Variants in CKMT1A observed in about 807,000 individuals in gnomAD.
The protein encoded by CKMT1A is creatine kinase U-type, mitochondrial.
CKMT1A carries 23 observed loss-of-function variants against 21.8 expected under a neutral mutation model. That is an observed-to-expected ratio of 1.05 (90% CI 0.76 to 1.49). CKMT1A has a LOEUF of 1.49. Ranked by LOEUF, CKMT1A falls within the 40% of genes most tolerant of loss-of-function variation. The probability of loss-of-function intolerance (pLI) is 0.00; values close to 1 mark genes in which losing one functional copy is unlikely to be tolerated. For missense variants in CKMT1A, 154 were observed against 229.4 expected (o/e 0.67, Z 2.12); for synonymous variants, 67 against 80.4 (o/e 0.83, Z 0.89).
chr15:43,697,741 G>A, intron 6 of CKMT1A: 1 of 984,636 alleles, frequency 1.0e-6, no homozygotes, highest in Non-Finnish European at 1.2e-6. Flanking sequence ...CATTTCCCTA[G>A]ATCATCCTTA....
intron 6 of CKMT1A, chr15:43,697,414 G>C (rs1246951524): frequency 1.0e-6 from 1 of 984,880 alleles, no homozygotes; most frequent in Non-Finnish European, 1.2e-6. Flanking sequence ...CACTCTGCTA[G>C]ATCCCTTGTC....
intron 6 of CKMT1A, 142 bp from the exon 7 acceptor site, chr15:43,697,872 A>G (rs1197173676): frequency 8.1e-6 from 12 of 1,483,870 alleles, no homozygotes; most frequent in South Asian, 1.5e-5. Context: ...TTTTTCATTT[A>G]AAAAAAGACC....
In CKMT1A at chr15:43,699,178, G is replaced by C; in HGVS notation, c.*89G>C. 1 of 1,601,682 alleles carries C rather than the reference G, an allele frequency of 6.2e-7. No homozygotes were observed. Among genetic ancestry groups the C allele is most frequent in the Non-Finnish European group, 8.5e-7 (1 of 1,172,062 alleles). On this transcript the variant is annotated 3_prime_UTR_variant, in exon 9 of 9. Transcript: ENST00000413453. ...TTCTACTTGCTCTGGACCTGCCCTCGCATCCCCTGCCTCCATCCTAGTAAA... is the reference window on the plus strand; with the variant it reads ...TTCTACTTGCTCTGGACCTGCCCTCCCATCCCCTGCCTCCATCCTAGTAAA...
chr15:43,696,642 A>G (rs1322153779), intron 6 of CKMT1A: 1 of 529,192 alleles, frequency 1.9e-6, no homozygotes, highest in Non-Finnish European at 3.4e-6. Context: ...ATGGCACGTC[A>G]GTGCCTGGGA....
chr15:43,696,952 C>T (rs1009917968), intron 6 of CKMT1A: 1 of 298,058 alleles, frequency 3.4e-6, no homozygotes, highest in Middle Eastern at 1.3e-3. Context: ...TCTCCGTATT[C>T]AAGTCTACAT....
chr15:43,697,219 A>T (rs949611407), intron 6 of CKMT1A: 19 of 1,230,694 alleles, frequency 1.5e-5, no homozygotes, highest in Non-Finnish European at 1.9e-5. Flanking sequence ...ATTAAGTGAA[A>T]TACAGGTAAA....
intron 6 of CKMT1A, chr15:43,696,593 AG>A: frequency 1.5e-6 from 1 of 666,562 alleles, no homozygotes; most frequent in African/African-American, 1.8e-5. Flanking sequence ...AACCTTAGAA[AG>A]TGAAGAAGGC....
At position 43,696,358 on chromosome 15, in the gene CKMT1A, A is replaced by G; in HGVS notation, c.871A>G (p.Lys291Glu). ...RVFERFCRGL[K>E]EVERLIQERG... ...GTTTGAAAGATTCTGCCGAGGCCTCAAAGAGGTTAGAGAAGATTGTGTAGG... is the reference window on the plus strand; with the variant it reads ...GTTTGAAAGATTCTGCCGAGGCCTCGAAGAGGTTAGAGAAGATTGTGTAGG... Residue 291 changes from lysine to glutamate, a missense_variant, in exon 6 of 9, where the codon AAA becomes GAA. Coordinates refer to ENST00000413453, the MANE Select transcript of CKMT1A (RefSeq NM_001321926.2). The G allele has an allele frequency of 1.9e-6, 3 of 1,610,894 alleles. No homozygotes were observed. Among genetic ancestry groups the G allele is most frequent in the Non-Finnish European group, 2.5e-6 (3 of 1,179,098 alleles).
chr15:43,697,590 T>C, intron 6 of CKMT1A: 1 of 984,306 alleles, frequency 1.0e-6, no homozygotes. Flanking sequence ...TCTCACCTCT[T>C]CCTGGCAAAG....
Position 43,698,146 on chromosome 15 carries a change from A to G in CKMT1A, c.1009A>G (p.Lys337Glu). Residue 337 changes from lysine (K) to glutamate (E), a missense_variant and splice_region_variant, in exon 7 of 9, where the codon AAA becomes GAA. Physicochemically the swap from Lys to Glu is moderately conservative, Grantham distance 56. Transcript: ENST00000413453. The part of the protein sequence containing the change: ...GVHIKLPLLS[K>E]DSRFPKILEN... Reference sequence around the variant, plus strand: ...GCACATCAAACTGCCCCTGCTAAGCAAAGTAAAGGAGTTGTGGGGTTACAG... The same window carrying G: ...GCACATCAAACTGCCCCTGCTAAGCGAAGTAAAGGAGTTGTGGGGTTACAG... 2 of 1,608,850 alleles carry G rather than the reference A, an allele frequency of 1.2e-6. No individual in the cohort carries two copies. Among genetic ancestry groups the G allele is most frequent in the East Asian group, 4.5e-5 (2 of 44,856 alleles).
intron 6 of CKMT1A, 49 bp downstream of exon 6, chr15:43,696,412 C>T (rs776299904): frequency 6.8e-6 from 11 of 1,609,468 alleles, no homozygotes; most frequent in East Asian, 2.2e-5. Flanking sequence ...ATAAGGAAAA[C>T]CAAAGAGTAG....
chr15:43,696,717 G>A (rs1047697469), intron 6 of CKMT1A: 6 of 284,742 alleles, frequency 2.1e-5, no homozygotes, highest in South Asian at 9.0e-5. Flanking sequence ...TGATGTTGGC[G>A]GGGAGAGGTT....
At chr15:43,697,339 A>T in intron 6 of CKMT1A, 1 of 1,256,440 alleles carries the variant, frequency 8.0e-7, no homozygotes, top group African/African-American at 1.5e-5. Flanking sequence ...CCCTGGTGGC[A>T]TGGTTCCTTC....
Position 43,698,723 on chromosome 15 carries a change from G to A in CKMT1A, c.1094G>A (p.Gly365Asp). 1 of 1,613,668 alleles carries A rather than the reference G, an allele frequency of 6.2e-7. No homozygotes were observed. Among genetic ancestry groups the A allele is most frequent in the Non-Finnish European group, 8.5e-7 (1 of 1,179,868 alleles). ...GGAGTGGACACTGCTGCCACAGGCG[G>A]TGTCTTTGATATTTCTAATTTGGAC... ...TGGVDTAATGGVFDISNLDRL... is the reference protein window; with the variant it reads ...TGGVDTAATGDVFDISNLDRL... The change falls in exon 8 of 9, where the codon GGT becomes GAT. Residue 365 changes from glycine (G) to aspartate (D), a missense_variant. Gly to Asp is a moderately conservative substitution (Grantham distance 94). Transcript: ENST00000413453.
At chr15:43,698,508 TAAAAAAAAAAAAAAAGA>T (rs1409066863) in intron 7 of CKMT1A, 116 bp from the exon 8 acceptor site, 3 of 861,602 alleles carry the variant, frequency 3.5e-6, no homozygotes, top group Non-Finnish European at 4.7e-6. Flanking sequence ...AGACCCTGTC[TAAAAAAAAAAAAAAAGA>T]AAAAAGGAAA....
chr15:43,699,076 A>T lies in CKMT1A; in HGVS notation c.1241A>T (p.His414Leu). The change falls in exon 9 of 9, where the codon CAC (histidine) becomes CTC (leucine). Residue 414 changes from histidine to leucine, a missense_variant. Physicochemically the swap from His to Leu is moderately conservative, Grantham distance 99. Coordinates refer to ENST00000413453, the MANE Select transcript of CKMT1A (RefSeq NM_001321926.2). ...QDIRIPTPVIHTKH is the reference protein window; with the variant it reads ...QDIRIPTPVILTKH The stretch of plus-strand genomic sequence containing the variant: ...ATCCGCATCCCCACACCTGTCATCC[A>T]CACCAAGCATTAACTCCCCATCGCC... 7 of 1,613,548 alleles carry T rather than the reference A, an allele frequency of 4.3e-6. No homozygotes were observed. Among genetic ancestry groups the T allele is most frequent in the Non-Finnish European group, 5.9e-6 (7 of 1,179,896 alleles).
rs1277602076 is a variant in CKMT1A at position 43,698,541 on chromosome 15, A to G, written c.1012-100A>G. 6.8e-6 allele frequency: 10 copies of G among 1,462,906 alleles called. No homozygotes were observed. In the South Asian group the frequency reaches 9.2e-5, roughly 13 times the overall value. 90.6% of individuals were successfully genotyped at this position (1,462,906 alleles called of 1,614,324 possible). On this transcript the variant is annotated intron_variant, in intron 7 of 8. Transcript: ENST00000413453. ...AAAAAAAAGAAAAAAGGAAAAAAAA[A>G]AGTTCAGGAGACAGAGCTCTGAGCA...
Position 43,698,522 on chromosome 15 carries a change from A to T in CKMT1A, c.1012-119A>T, listed in dbSNP as rs540349727. On this transcript the variant is annotated intron_variant, in intron 7 of 8. Transcript: ENST00000413453. The stretch of plus-strand genomic sequence containing the variant: ...GAGACCCTGTCTAAAAAAAAAAAAA[A>T]AGAAAAAAGGAAAAAAAAAAGTTCA... The T allele has an allele frequency of 2.1e-6, 3 of 1,411,360 alleles. No individual in the cohort carries two copies. The African/African-American group carries it at 4.3e-5, about 20-fold the overall frequency. The allele number at this position is 1,411,360 out of a possible 1,614,324, so 87.4% of individuals were successfully genotyped here. A position where few individuals can be genotyped will look rare whatever the true frequency, so the allele number is the denominator to read the frequency against.
At position 43,697,676 on chromosome 15, in the gene CKMT1A, A is replaced by C. The variant is rs1451854440; in HGVS notation, c.877-338A>C. ...TTAGCAAAGCAAAGATAATCGATGCATGCAGACCTCATTGAATAATCAGTC... is the reference window on the plus strand; with the variant it reads ...TTAGCAAAGCAAAGATAATCGATGCCTGCAGACCTCATTGAATAATCAGTC... On this transcript the variant is annotated intron_variant, in intron 6 of 8. Coordinates refer to ENST00000413453, the MANE Select transcript of CKMT1A (RefSeq NM_001321926.2). 15 of 984,888 alleles carry C rather than the reference A, an allele frequency of 1.5e-5. 1 individual carries two copies. The highest frequency in any genetic ancestry group is 1.7e-5 in the Non-Finnish European group (14 of 829,632). 61.0% of individuals were successfully genotyped at this position (984,888 alleles called of 1,614,324 possible). A position where few individuals can be genotyped will look rare whatever the true frequency, so the allele number is the denominator to read the frequency against.
Sources: gnomAD v4.1 joint callset for allele counts on GRCh38, gnomAD v4.1.1 for gene constraint, MANE v1.5 for transcripts, NCBI Gene and HGNC (gene_info 2026-07-23, HGNC 2026-07-21) for gene names.